RAPGEFL1: variants seen among roughly 807,000 people sequenced by gnomAD.
The protein encoded by RAPGEFL1 is rap guanine nucleotide exchange factor-like 1.
In RAPGEFL1, 31 loss-of-function variants were observed where a neutral mutation model predicts 64.4. That is an observed-to-expected ratio of 0.48 (90% CI 0.36 to 0.65). RAPGEFL1 has a LOEUF of 0.65. Among genes scored for constraint, RAPGEFL1 ranks in the 30% least tolerant of loss-of-function variants. RAPGEFL1 has a pLI of 0.00. For missense variants in RAPGEFL1, 682 were observed against 677.4 expected (o/e 1.01, Z -0.08); for synonymous variants, 331 against 274.1 (o/e 1.21, Z -2.05).
intron 5 of RAPGEFL1, 36 bp from the exon 6 acceptor site, chr17:40,189,172 C>T (rs371763240): frequency 1.1e-5 from 17 of 1,604,404 alleles, no homozygotes; most frequent in Non-Finnish European, 1.4e-5. Context: ...TGCCACTCTG[C>T]CCTCTGTTGA....
chr17:40,178,004 G>A lies in RAPGEFL1; in HGVS notation c.143G>A (p.Gly48Glu), dbSNP rs763767143. The A allele has an allele frequency of 1.8e-5, 9 of 498,736 alleles. No homozygotes were observed. The highest frequency in any genetic ancestry group is 3.2e-5 in the Non-Finnish European group (9 of 282,482). 30.9% of individuals were successfully genotyped at this position (498,736 alleles called of 1,614,324 possible). ...CCCGGCGGGGGCGGCGGTCCAGCCG[G>A]GGGACAGCGGTCGTTGCAGCGGCGT... ...GGPGGGGGPAGGQRSLQRRQS... is the reference protein window; with the variant it reads ...GGPGGGGGPAEGQRSLQRRQS... The change falls in exon 1 of 15, where the codon GGG becomes GAG. Residue 48 changes from glycine to glutamate, a missense_variant. Physicochemically the swap from Gly to Glu is moderately conservative, Grantham distance 98 (BLOSUM62 -2). Transcript: ENST00000620260.
chr17:40,192,358 T>C (rs1990305507), intron 11 of RAPGEFL1, 95 bp downstream of exon 11: 2 of 1,397,180 alleles, frequency 1.4e-6, no homozygotes. Flanking sequence ...CCTTTCAAGG[T>C]GTTTAGTGTA....
intron 11 of RAPGEFL1, 147 bp downstream of exon 11, chr17:40,192,410 G>A (rs1362741875): frequency 9.3e-7 from 1 of 1,074,142 alleles, no homozygotes; most frequent in African/African-American, 1.6e-5. Context: ...GGGTGAGGTT[G>A]GAAGGATTGC....
rs1989754158 is a variant in RAPGEFL1 at position 40,177,703 on chromosome 17, G to A, written c.-159G>A. On this transcript the variant is annotated 5_prime_UTR_variant, in exon 1 of 15. Coordinates refer to ENST00000620260, the MANE Select transcript of RAPGEFL1 (RefSeq NM_016339.6). ...CCCGGCTACTGGCCACTGGACTCTGGCCAGCGAGGCTCGGCCCCTCTGGCC... is the reference window on the plus strand; with the variant it reads ...CCCGGCTACTGGCCACTGGACTCTGACCAGCGAGGCTCGGCCCCTCTGGCC... The A allele has an allele frequency of 2.4e-6, 1 of 410,824 alleles. No individual in the cohort carries two copies. Among genetic ancestry groups the A allele is most frequent in the East Asian group, 3.6e-5 (1 of 28,118 alleles). The allele number at this position is 410,824 out of a possible 1,614,324, so 25.4% of individuals were successfully genotyped here. A position where few individuals can be genotyped will look rare whatever the true frequency, so the allele number is the denominator to read the frequency against.
At position 40,193,004 on chromosome 17, in the gene RAPGEFL1, A is replaced by T. The variant is rs1990331636; in HGVS notation, c.1809+14A>T. 20 of 1,609,724 alleles carry T rather than the reference A, an allele frequency of 1.2e-5. No individual in the cohort carries two copies. Among genetic ancestry groups the T allele is most frequent in the Non-Finnish European group, 1.7e-5 (20 of 1,176,050 alleles). The stretch of plus-strand genomic sequence containing the variant: ...ATCGAGAAGCTGGTGAGTGAGTGGC[A>T]CTGCAAACCCCTAGTCCCACAAGTG... On this transcript the variant is annotated intron_variant, in intron 13 of 14. Transcript: ENST00000620260.
rs1218082578 is a variant in RAPGEFL1 at position 40,191,247 on chromosome 17, C to T, written c.1336-69C>T. The stretch of plus-strand genomic sequence containing the variant: ...GCCTTTCGCTCCTCATCGCCTTGCA[C>T]TGCCATCTTCCCACCCACTCCCCTC... On this transcript the variant is annotated intron_variant, in intron 8 of 14. Transcript: ENST00000620260. The surrounding 1 kb of genome is among the most constrained non-coding windows in gnomAD (Gnocchi z 5.1). 12 of 1,416,070 alleles carry T rather than the reference C, an allele frequency of 8.5e-6. No individual in the cohort carries two copies. The highest frequency in any genetic ancestry group is 1.1e-5 in the Non-Finnish European group (12 of 1,074,078). 87.7% of individuals were successfully genotyped at this position (1,416,070 alleles called of 1,614,324 possible). A position where few individuals can be genotyped will look rare whatever the true frequency, so the allele number is the denominator to read the frequency against.
intron 1 of RAPGEFL1, chr17:40,181,387 C>T (rs971170510): frequency 1.1e-5 from 7 of 641,794 alleles, no homozygotes; most frequent in Admixed American, 6.2e-5. Context: ...CGCGCCCCCC[C>T]CTTCCCTTCA....
Position 40,192,686 on chromosome 17 carries a change from C to A in RAPGEFL1, c.1737C>A (p.Ile579=). 1 of 1,612,796 alleles carries A rather than the reference C, an allele frequency of 6.2e-7. No homozygotes were observed. Among genetic ancestry groups the A allele is most frequent in the Non-Finnish European group, 8.5e-7 (1 of 1,178,926 alleles). ...CTGTGATTCCCTTCGTGCCTCTGATCCTCAAAGGTGAGAGAGTTACTCCCA... is the reference window on the plus strand; with the variant it reads ...CTGTGATTCCCTTCGTGCCTCTGATACTCAAAGGTGAGAGAGTTACTCCCA... ...KPPVIPFVPL[I]LKDLTFLHEG... The change falls in exon 12 of 15, where the codon ATC becomes ATA. Residue 579 remains isoleucine, a synonymous_variant. Transcript: ENST00000620260.
rs562318070 is a variant in RAPGEFL1, at chr17:40,190,922, G to T, written c.1335+160G>T. On this transcript the variant is annotated intron_variant, in intron 8 of 14. Coordinates refer to ENST00000620260, the MANE Select transcript of RAPGEFL1 (RefSeq NM_016339.6). ...TTTGTTCCCCCATCTGAAAAAAATC[G>T]CAAAGAGAGAGACCCCAGAGCACAG... The T allele has an allele frequency of 5.1e-6, 6 of 1,177,674 alleles. No homozygotes were observed. The East Asian group carries it at 1.2e-4, about 24-fold the overall frequency. 73.0% of individuals were successfully genotyped at this position (1,177,674 alleles called of 1,614,324 possible).
intron 4 of RAPGEFL1, among the ~76,000 whole-genome samples, chr17:40,186,431 G>A (rs531314307): frequency 4.0e-5 from 6 of 151,160 alleles, no homozygotes; most frequent in African/African-American, 4.9e-5. Flanking sequence ...AGCCGGGCGC[G>A]GTGGCGGGCG....
intron 8 of RAPGEFL1, 71 bp downstream of exon 8, chr17:40,190,833 A>C: frequency 1.9e-6 from 3 of 1,585,842 alleles, no homozygotes; most frequent in Non-Finnish European, 2.6e-6. Flanking sequence ...CGGTGTTCGC[A>C]GCACAACGTC....
rs1229983444 is a variant in RAPGEFL1, at chr17:40,188,856, T to C, written c.834-10T>C. On this transcript the variant is annotated splice_polypyrimidine_tract_variant and intron_variant, in intron 4 of 14. Coordinates refer to ENST00000620260, the MANE Select transcript of RAPGEFL1 (RefSeq NM_016339.6). ...CAGGGCGTGCTGATGCCCAGCTGTG[T>C]CCATGCCAGGATTCCAGAGGAGAAC... The C allele has an allele frequency of 1.9e-6, 3 of 1,612,108 alleles. No homozygotes were observed. Among genetic ancestry groups the C allele is most frequent in the African/African-American group, 1.3e-5 (1 of 75,008 alleles).
intron 2 of RAPGEFL1, 130 bp from the exon 3 acceptor site, chr17:40,184,084 T>TC: frequency 1.3e-6 from 1 of 753,010 alleles, no homozygotes; most frequent in Non-Finnish European, 2.4e-6. Flanking sequence ...CCTCAGGTGA[T>TC]CCGCCCGCCT....
rs767836052 is a variant in RAPGEFL1 at position 40,188,943 on chromosome 17, T to A, written c.911T>A (p.Leu304Gln). Residue 304 changes from leucine to glutamine, a missense_variant, in exon 5 of 15, where the codon CTG becomes CAG. By Grantham distance (113) the Leu-to-Gln change is moderately radical (BLOSUM62 -2). Around this residue, in one of 2 missense-constraint regions of RAPGEFL1, gnomAD observed 411 missense variants for 519.4 expected, o/e 0.79. Coordinates refer to ENST00000620260, the MANE Select transcript of RAPGEFL1 (RefSeq NM_016339.6). ...FRHFRRIDSC[L>Q]QTRVAFRGSD... ...CACTTCCGCCGGATAGACTCCTGTC[T>A]GCAGACCCGGGTGGCCTTCCGGGGC... 1.9e-6 allele frequency: 3 copies of A among 1,614,206 alleles called. No individual in the cohort carries two copies. In the Admixed American group the frequency reaches 5.0e-5, roughly 27 times the overall value.
At position 40,191,843 on chromosome 17, in the gene RAPGEFL1, G is replaced by T. The variant is rs543028495; in HGVS notation, c.1605+171G>T. Among the ~76,000 whole-genome samples, 5 of 152,224 alleles carry T rather than the reference G, an allele frequency of 3.3e-5. No homozygotes were observed. Among genetic ancestry groups the T allele is most frequent in the Non-Finnish European group, 5.9e-5 (4 of 68,038 alleles). ...GCGCACAGCTTGGCTAATGGACCCTGTCTTTGTGCAAATTAGTGAAAAGCC... is the reference window on the plus strand; with the variant it reads ...GCGCACAGCTTGGCTAATGGACCCTTTCTTTGTGCAAATTAGTGAAAAGCC... On this transcript the variant is annotated intron_variant, in intron 10 of 14. Transcript: ENST00000620260. This position sits in a 1 kb window ranked among gnomAD's most constrained non-coding sequence, Gnocchi z 5.1.
At position 40,190,760 on chromosome 17, in the gene RAPGEFL1, G is replaced by A; in HGVS notation, c.1333G>A (p.Glu445Lys). Residue 445 changes from glutamate to lysine, a missense_variant and splice_region_variant, in exon 8 of 15, where the codon GAG (glutamate) becomes AAG (lysine). This residue lies in a region of RAPGEFL1 where 411 missense variants were observed against 519.4 expected (regional missense o/e 0.79). Coordinates refer to ENST00000620260, the MANE Select transcript of RAPGEFL1 (RefSeq NM_016339.6). ...CTGGGAGCTGTTCCGATGTGTGCAT[G>A]AGGTGGGGACCGAGGCTGGTGCTAT... ...FHWELFRCVH[E>K]LEFVDYVFHG... 6.2e-7 allele frequency: 1 copy of A among 1,614,156 alleles called. No individual in the cohort carries two copies. The highest frequency in any genetic ancestry group is 8.5e-7 in the Non-Finnish European group (1 of 1,180,026).
In RAPGEFL1 at chr17:40,179,052, G is replaced by A. The variant is rs924888737; in HGVS notation, c.520+671G>A. On this transcript the variant is annotated intron_variant, in intron 1 of 14. Transcript: ENST00000620260. ...TCCAGCTTCCACCCTTCGGTGGCAG[G>A]CCTCAGCACCCGGCTTTTTTTTTTT... is the stretch of plus-strand genomic sequence containing the variant. 7.9e-5 allele frequency among the ~76,000 whole-genome samples: 12 copies of A among 151,750 alleles called. 1 individual carries two copies. Among genetic ancestry groups the A allele is most frequent in the Admixed American group, 7.2e-4 (11 of 15,222 alleles).
chr17:40,182,313 A>G (rs1989918673), intron 2 of RAPGEFL1, among the ~76,000 whole-genome samples: 1 of 151,864 alleles, frequency 6.6e-6, no homozygotes, highest in Non-Finnish European at 1.5e-5. Flanking sequence ...GAAAGGTGTT[A>G]TTTATTTATT....
chr17:40,186,912 T>G (rs1598442290), intron 4 of RAPGEFL1, among the ~76,000 whole-genome samples: 1 of 147,590 alleles, frequency 6.8e-6, no homozygotes, highest in South Asian at 2.1e-4. Flanking sequence ...AAAAAAAAAG[T>G]AGTGAAAACA....
Sources: gnomAD v4.1 joint callset for allele counts (sites outside exome capture counted in the v4.1 genomes callset) on GRCh38, gnomAD v4.1.1 for gene constraint, gnomAD v4.1.1 regional missense constraint, Gnocchi (gnomAD v3.1) non-coding constraint, MANE v1.5 for transcripts, NCBI Gene and HGNC (gene_info 2026-07-23, HGNC 2026-07-21) for gene names.